The following LAPTM4A variants were observed in gnomAD, a reference collection of about 807,000 sequenced individuals.
LAPTM4A encodes lysosomal-associated transmembrane protein 4A.
In LAPTM4A, 19 loss-of-function variants were observed where a neutral mutation model predicts 29.9. That is an observed-to-expected ratio of 0.64 (90% CI 0.44 to 0.93). The LOEUF (loss-of-function observed/expected upper bound fraction) is 0.93. Ranked by LOEUF, LAPTM4A falls within the 40% of genes least tolerant of loss-of-function variation. The probability of loss-of-function intolerance (pLI) is 0.00; values close to 1 mark genes in which losing one functional copy is unlikely to be tolerated. For missense variants in LAPTM4A, 293 were observed against 288.5 expected (o/e 1.02, Z -0.11); for synonymous variants, 105 against 102.1 (o/e 1.03, Z -0.17).
At chr2:20,046,758 A>G in intron 1 of LAPTM4A, among the ~76,000 whole-genome samples, 1 of 142,532 alleles carries the variant, frequency 7.0e-6, no homozygotes, top group South Asian at 2.1e-4. Context: ...TTATATAAAT[A>G]TATATATAAT....
chr2:20,042,655 T>C (rs13010075), intron 1 of LAPTM4A, among the ~76,000 whole-genome samples: 73,087 of 152,050 alleles, frequency 0.48, 18,500 homozygotes, highest in East Asian at 0.76. Context: ...GAAATCCCAT[T>C]ATAATATCTG....
chr2:20,050,068 G>A (rs3769762), intron 1 of LAPTM4A, among the ~76,000 whole-genome samples: 28,889 of 152,130 alleles, frequency 0.19, 2,959 homozygotes, highest in East Asian at 0.31. Flanking sequence ...ATATAGTTCT[G>A]TCAATAAGGC....
intron 2 of LAPTM4A, among the ~76,000 whole-genome samples, chr2:20,039,433 T>C (rs2103497024): frequency 6.6e-6 from 1 of 152,296 alleles, no homozygotes. Flanking sequence ...GAAAGCAAAA[T>C]TTGTAATTCA....
chr2:20,046,341 A>G (rs1423921849), intron 1 of LAPTM4A, among the ~76,000 whole-genome samples: 2 of 151,970 alleles, frequency 1.3e-5, no homozygotes, highest in Non-Finnish European at 2.9e-5. Context: ...TAGAACTTAC[A>G]GTATAATTTA....
At chr2:20,034,855 C>T in intron 5 of LAPTM4A, 112 bp downstream of exon 5, 1 of 749,924 alleles carries the variant, frequency 1.3e-6, no homozygotes, top group Non-Finnish European at 2.3e-6. Flanking sequence ...AGAATAAACA[C>T]TGTCCCCACA....
intron 1 of LAPTM4A, among the ~76,000 whole-genome samples, chr2:20,050,238 G>A (rs1674023847): frequency 6.6e-6 from 1 of 152,148 alleles, no homozygotes; most frequent in African/African-American, 2.4e-5. Context: ...CCCGGGGGTG[G>A]GCCATGAAAC....
At chr2:20,047,696 C>CAAAA (rs61601787) in intron 1 of LAPTM4A, among the ~76,000 whole-genome samples, 23 of 76,672 alleles carry the variant, frequency 3.0e-4, no homozygotes, top group South Asian at 8.3e-4. Context: ...GACTCCGTCT[C>CAAAA]AAAAAAAAAA....
intron 4 of LAPTM4A, among the ~76,000 whole-genome samples, chr2:20,037,007 A>T (rs2103495836): frequency 6.6e-6 from 1 of 152,380 alleles, no homozygotes; most frequent in East Asian, 1.9e-4. Context: ...AGTCACTTAA[A>T]GAGTGCCATA....
chr2:20,043,228 T>TC (rs1317511758), intron 1 of LAPTM4A, among the ~76,000 whole-genome samples: 3 of 148,238 alleles, frequency 2.0e-5, no homozygotes, highest in Non-Finnish European at 3.0e-5. Context: ...TTTTTTTTTT[T>TC]TTTTGAGACC....
chr2:20,038,840 G>T (rs1450043387), intron 2 of LAPTM4A, among the ~76,000 whole-genome samples: 2 of 150,608 alleles, frequency 1.3e-5, no homozygotes, highest in African/African-American at 4.9e-5. Context: ...AATGAAAAAA[G>T]AAAAAAAATA....
chr2:20,035,068 A>G lies in LAPTM4A; in HGVS notation c.433-6T>C, dbSNP rs1442589909. On this transcript the variant is annotated splice_region_variant and splice_polypyrimidine_tract_variant and intron_variant, in intron 4 of 6. Transcript: ENST00000175091. ...TCTTTGTAGGGAAAATCAGGCTATT[A>G]AAGAAACACACACACATTTACAAGT... 1.3e-6 allele frequency: 2 copies of G among 1,589,350 alleles called. No individual in the cohort carries two copies. The highest frequency in any genetic ancestry group is 2.7e-5 in the African/African-American group (2 of 74,240).
chr2:20,036,166 C>CGCTGACCGTG (rs1673672541), intron 4 of LAPTM4A, among the ~76,000 whole-genome samples: 1 of 144,428 alleles, frequency 6.9e-6, no homozygotes, highest in Admixed American at 7.0e-5. Flanking sequence ...ACACAGAAGC[C>CGCTGACCGTG]GCTGACCGTG....
intron 1 of LAPTM4A, among the ~76,000 whole-genome samples, chr2:20,041,736 T>C (rs1187954629): frequency 6.6e-6 from 1 of 152,202 alleles, no homozygotes; most frequent in African/African-American, 2.4e-5. Context: ...GGTTTCACTA[T>C]GTTGGCCAGG....
intron 2 of LAPTM4A, among the ~76,000 whole-genome samples, chr2:20,038,065 C>T (rs1280853147): frequency 6.6e-6 from 1 of 152,180 alleles, no homozygotes; most frequent in Non-Finnish European, 1.5e-5. Context: ...TAGGGTTTAG[C>T]TGGAAGGAAT....
intron 5 of LAPTM4A, among the ~76,000 whole-genome samples, chr2:20,034,643 A>G (rs1673641868): frequency 6.6e-6 from 1 of 152,212 alleles, no homozygotes; most frequent in Non-Finnish European, 1.5e-5. Flanking sequence ...GCTTCAATTC[A>G]GGTCAACCCA....
At chr2:20,046,226 C>T (rs945421814) in intron 1 of LAPTM4A, among the ~76,000 whole-genome samples, 1 of 151,998 alleles carries the variant, frequency 6.6e-6, no homozygotes, top group African/African-American at 2.4e-5. Flanking sequence ...GGAGGGATAG[C>T]ATTAGGAGAA....
intron 2 of LAPTM4A, among the ~76,000 whole-genome samples, chr2:20,039,651 T>C (rs1050007946): frequency 1.3e-5 from 2 of 152,172 alleles, no homozygotes; most frequent in Non-Finnish European, 2.9e-5. Flanking sequence ...GAATTCTGGG[T>C]TACAGTGAGC....
intron 1 of LAPTM4A, among the ~76,000 whole-genome samples, chr2:20,047,461 C>T (rs1303208206): frequency 1.3e-5 from 2 of 148,396 alleles, no homozygotes; most frequent in Non-Finnish European, 3.0e-5. Flanking sequence ...GAGGCCGAGG[C>T]GGGTGGATCA....
chr2:20,037,453 A>G lies in LAPTM4A; in HGVS notation c.310-15T>C, dbSNP rs1211789883. ...CCCACTTGATACTGGAGAAAAAATA[A>G]CAACCATAACATTGTATCACATATA... On this transcript the variant is annotated splice_polypyrimidine_tract_variant and intron_variant, in intron 3 of 6. Transcript: ENST00000175091. 6.2e-7 allele frequency: 1 copy of G among 1,605,690 alleles called. No homozygotes were observed. Among genetic ancestry groups the G allele is most frequent in the Non-Finnish European group, 8.5e-7 (1 of 1,177,622 alleles).
Sources: gnomAD v4.1 joint callset for allele counts (sites outside exome capture counted in the v4.1 genomes callset) on GRCh38, gnomAD v4.1.1 for gene constraint, MANE v1.5 for transcripts, NCBI Gene and HGNC (gene_info 2026-07-23, HGNC 2026-07-21) for gene names.